The following NTM variants were observed in gnomAD, a reference collection of about 807,000 sequenced individuals.
The protein encoded by NTM is neurotrimin, also known as IgLON family member 2.
A neutral mutation model predicts 42.1 loss-of-function variants in NTM; 13 were observed. The observed-to-expected ratio is 0.31, with a 90% confidence interval of 0.20 to 0.49. The LOEUF is 0.49. NTM is among the 20% of genes least tolerant of loss of function. The pLI, the probability that NTM is intolerant of heterozygous loss-of-function variation, is 0.99. For synonymous variants in NTM, 187 were observed against 179.2 expected, an observed-to-expected ratio of 1.04 and a Z score of -0.35; for missense variants, 373 against 452.8, an observed-to-expected ratio of 0.82 and a Z score of 1.60.
At chr11:131,668,011 A>G (rs1034946584) in intron 1 of NTM, among the ~76,000 whole-genome samples, 2 of 152,340 alleles carry the variant, frequency 1.3e-5, no homozygotes, top group African/African-American at 4.8e-5. Flanking sequence ...CTTGAGCTTC[A>G]TAATGATGAG....
At chr11:132,249,070 T>A (rs1209212798) in intron 4 of NTM, among the ~76,000 whole-genome samples, 1 of 152,198 alleles carries the variant, frequency 6.6e-6, no homozygotes, top group African/African-American at 2.4e-5. Context: ...TCTGTGACAG[T>A]TCAGTTCCAT....
At chr11:131,539,128 G>A (rs946423594) in intron 1 of NTM, 1 of 151,928 alleles carries the variant, frequency 6.6e-6, no homozygotes, top group Non-Finnish European at 1.5e-5. Flanking sequence ...TTTTTGCAGA[G>A]ATGACGTTCT....
At chr11:131,609,235 C>T (rs1488844200) in intron 1 of NTM, among the ~76,000 whole-genome samples, 1 of 152,242 alleles carries the variant, frequency 6.6e-6, no homozygotes, top group Non-Finnish European at 1.5e-5. Context: ...CAGGCACTAC[C>T]TTCCTGACAG....
intron 2 of NTM, among the ~76,000 whole-genome samples, chr11:132,062,076 G>A (rs1723249621): frequency 6.6e-6 from 1 of 152,104 alleles, no homozygotes; most frequent in African/African-American, 2.4e-5. Flanking sequence ...GTAGACTTCT[G>A]AAGCAGGTAC....
chr11:132,119,368 C>G (rs935569561), intron 2 of NTM, among the ~76,000 whole-genome samples: 2 of 145,364 alleles, frequency 1.4e-5, no homozygotes, highest in East Asian at 3.9e-4. Flanking sequence ...GGGACATGTG[C>G]GCTTGACATC....
chr11:131,916,919 A>C (rs1303071664), intron 2 of NTM, among the ~76,000 whole-genome samples: 1 of 152,160 alleles, frequency 6.6e-6, no homozygotes, highest in East Asian at 1.9e-4. Flanking sequence ...TGATCTTCCC[A>C]TGGACAGCTG....
chr11:131,394,321 T>A (rs1024951452), intron 1 of NTM, among the ~76,000 whole-genome samples: 1 of 152,210 alleles, frequency 6.6e-6, no homozygotes, highest in African/African-American at 2.4e-5. Context: ...CAGAAGAGTC[T>A]GGTCACCTGT....
At chr11:132,007,533 A>G (rs569411794) in intron 2 of NTM, among the ~76,000 whole-genome samples, 30 of 152,144 alleles carry the variant, frequency 2.0e-4, no homozygotes, top group Non-Finnish European at 3.5e-4. Context: ...GATATTTCTG[A>G]TGCTCTCTTT....
At chr11:131,575,275 A>T (rs2137123917) in intron 1 of NTM, among the ~76,000 whole-genome samples, 1 of 152,320 alleles carries the variant, frequency 6.6e-6, no homozygotes, top group African/African-American at 2.4e-5. Flanking sequence ...ATATAGACAC[A>T]CTTTAAACAT....
intron 1 of NTM, among the ~76,000 whole-genome samples, chr11:131,766,920 C>T (rs1331595106): frequency 6.6e-6 from 1 of 152,180 alleles, no homozygotes; most frequent in Non-Finnish European, 1.5e-5. Flanking sequence ...TTCACCTTCA[C>T]TAGGATATTT....
intron 1 of NTM, among the ~76,000 whole-genome samples, chr11:131,454,821 A>G (rs1950750366): frequency 6.6e-6 from 1 of 151,784 alleles, no homozygotes; most frequent in Non-Finnish European, 1.5e-5. Flanking sequence ...GGCCACAGAG[A>G]GAAGAAAAAT....
intron 1 of NTM, among the ~76,000 whole-genome samples, chr11:131,557,169 G>A (rs111947196): frequency 0.016 from 2,362 of 152,194 alleles, 70 homozygotes; most frequent in African/African-American, 0.054. Flanking sequence ...GGAAGAAGTT[G>A]GGCTTAAAGT....
At chr11:132,158,886 A>G (rs1024050376) in intron 3 of NTM, among the ~76,000 whole-genome samples, 4 of 152,192 alleles carry the variant, frequency 2.6e-5, no homozygotes, top group Admixed American at 2.0e-4. Flanking sequence ...GAGACCAAAG[A>G]TGAGTCACTC....
intron 1 of NTM, among the ~76,000 whole-genome samples, chr11:131,870,714 A>G (rs182470130): frequency 2.1e-4 from 32 of 152,344 alleles, no homozygotes; most frequent in African/African-American, 7.2e-4. Flanking sequence ...TCTCAGAGAG[A>G]AAATGATTGA....
intron 1 of NTM, among the ~76,000 whole-genome samples, chr11:131,513,642 C>T (rs1213232375): frequency 6.6e-6 from 1 of 152,162 alleles, no homozygotes; most frequent in Non-Finnish European, 1.5e-5. Flanking sequence ...TTTTTAGGCT[C>T]AAAGGAGCTT....
At chr11:132,096,284 G>T (rs1023274762) in intron 2 of NTM, among the ~76,000 whole-genome samples, 1 of 152,140 alleles carries the variant, frequency 6.6e-6, no homozygotes, top group African/African-American at 2.4e-5. Flanking sequence ...GCCGGGCATT[G>T]GTCTTGAAAT....
chr11:132,106,592 C>G (rs1210382296), intron 2 of NTM, among the ~76,000 whole-genome samples: 3 of 152,256 alleles, frequency 2.0e-5, no homozygotes, highest in Non-Finnish European at 2.9e-5. Context: ...GCTCTGGCCA[C>G]TTGGCATTTG....
At chr11:131,471,111 C>A in intron 1 of NTM, among the ~76,000 whole-genome samples, 1 of 152,204 alleles carries the variant, frequency 6.6e-6, no homozygotes, top group Non-Finnish European at 1.5e-5. Context: ...CAAACTGAAG[C>A]TCACAGACAT....
intron 1 of NTM, among the ~76,000 whole-genome samples, chr11:131,627,502 C>G (rs2063236274): frequency 6.6e-6 from 1 of 152,064 alleles, no homozygotes; most frequent in Admixed American, 6.6e-5. Context: ...TATACCATCT[C>G]TAAGACTATT....
Sources: gnomAD v4.1 joint callset for allele counts (sites outside exome capture counted in the v4.1 genomes callset) on GRCh38, gnomAD v4.1.1 for gene constraint, MANE v1.5 for transcripts, NCBI Gene and HGNC (gene_info 2026-07-23, HGNC 2026-07-21) for gene names.